Variants in DNAH12 observed in about 807,000 individuals in gnomAD.
DNAH12 encodes the protein dynein axonemal heavy chain 12.
In DNAH12, 285 loss-of-function variants were observed where a neutral mutation model predicts 371.5. That is an observed-to-expected ratio of 0.77 (90% CI 0.70 to 0.85). The LOEUF (loss-of-function observed/expected upper bound fraction) is 0.85. DNAH12 is among the 40% of genes least tolerant of loss of function. The pLI, the probability that DNAH12 is intolerant of heterozygous loss-of-function variation, is 0.00. For missense variants in DNAH12, 3,611 were observed against 3,689.4 expected (o/e 0.98, Z 0.55); for synonymous variants, 1,200 against 1,213.0 (o/e 0.99, Z 0.22).
At chr3:57,489,025 A>G (rs185521201) in intron 12 of DNAH12, among the ~76,000 whole-genome samples, 1 of 152,306 alleles carries the variant, frequency 6.6e-6, no homozygotes, top group East Asian at 1.9e-4. Context: ...TAAACAAAAT[A>G]AAACACAGTG....
intron 60 of DNAH12, among the ~76,000 whole-genome samples, chr3:57,349,960 G>T (rs999379735): frequency 2.0e-5 from 3 of 152,230 alleles, no homozygotes; most frequent in Non-Finnish European, 4.4e-5. Context: ...AAAGTGCTGG[G>T]ATTACAGGCG....
At chr3:57,552,856 G>C in the DNAH12 span, among the ~76,000 whole-genome samples, 1 of 152,122 alleles carries the variant, frequency 6.6e-6, no homozygotes, top group Non-Finnish European at 1.5e-5. Flanking sequence ...CTCCAGCCTG[G>C]GTGACAGAAT....
intron 11 of DNAH12, among the ~76,000 whole-genome samples, chr3:57,492,108 GCTATGCTCACATCA>G (rs1408583193): frequency 6.6e-6 from 1 of 152,134 alleles, no homozygotes; most frequent in East Asian, 1.9e-4. Flanking sequence ...GCTGCATTGA[GCTATGCTCACATCA>G]CTGCACTCCA....
At chr3:57,440,463 T>C (rs2065267476) in intron 29 of DNAH12, among the ~76,000 whole-genome samples, 1 of 152,082 alleles carries the variant, frequency 6.6e-6, no homozygotes, top group Admixed American at 6.6e-5. Context: ...TTGTAAGTGG[T>C]AGGCAAACAC....
chr3:57,519,738 C>G (rs1163025339), intron 4 of DNAH12: 1 of 1,610,840 alleles, frequency 6.2e-7, no homozygotes, highest in African/African-American at 1.3e-5. Context: ...GTTTCACCCA[C>G]AGGGACATGC....
chr3:57,413,691 C>T lies in DNAH12; in HGVS notation c.6020+55G>A, dbSNP rs1301346956. ...AAATGTATTATTTTACTTTAAAAACCTAAAATAAAAACTGAGGTATAACTT... is the reference window on the plus strand; with the variant it reads ...AAATGTATTATTTTACTTTAAAAACTTAAAATAAAAACTGAGGTATAACTT... On this transcript the variant is annotated intron_variant, in intron 39 of 73. Coordinates refer to ENST00000495027, the MANE Select transcript of DNAH12 (RefSeq NM_001366028.2). The T allele has an allele frequency of 5.4e-6, 8 of 1,483,340 alleles. No homozygotes were observed. The African/African-American group carries it at 7.2e-5, about 13-fold the overall frequency. The allele number at this position is 1,483,340 out of a possible 1,614,324, so 91.9% of individuals were successfully genotyped here. A position where few individuals can be genotyped will look rare whatever the true frequency, so the allele number is the denominator to read the frequency against.
intron 57 of DNAH12, among the ~76,000 whole-genome samples, chr3:57,366,338 C>T (rs1031625316): frequency 9.9e-5 from 15 of 152,216 alleles, no homozygotes; most frequent in South Asian, 4.2e-4. Flanking sequence ...TAAAAATGGA[C>T]GACTAGCAGC....
chr3:57,414,788 A>T (rs982920702), intron 38 of DNAH12, among the ~76,000 whole-genome samples: 2 of 152,226 alleles, frequency 1.3e-5, no homozygotes, highest in African/African-American at 4.8e-5. Context: ...ACAGTAAAGG[A>T]GTTCTAAATT....
chr3:57,486,511 ATGATTTT>A (rs1426908880), intron 12 of DNAH12, among the ~76,000 whole-genome samples: 3 of 152,160 alleles, frequency 2.0e-5, no homozygotes, highest in Admixed American at 1.3e-4. Context: ...AAAGAGGTAA[ATGATTTT>A]TTAGTTCATG....
chr3:57,435,481 A>T (rs1324732179), intron 30 of DNAH12, among the ~76,000 whole-genome samples: 2 of 152,048 alleles, frequency 1.3e-5, no homozygotes, highest in African/African-American at 4.8e-5. Flanking sequence ...AAGCCTGATA[A>T]GGTCAAGGAT....
intron 55 of DNAH12, among the ~76,000 whole-genome samples, chr3:57,369,921 C>G (rs1358170245): frequency 2.0e-5 from 3 of 152,136 alleles, no homozygotes; most frequent in Non-Finnish European, 4.4e-5. Context: ...TGAAAGAAAT[C>G]TGACTTCTAT....
chr3:57,472,730 A>G (rs1285784257), intron 13 of DNAH12, 59 bp from the exon 14 acceptor site: 14 of 1,494,240 alleles, frequency 9.4e-6, no homozygotes, highest in Non-Finnish European at 1.3e-5. Flanking sequence ...ATTATGAAAA[A>G]GAGAAGAACC....
Position 57,444,832 on chromosome 3 carries a change from A to G in DNAH12, c.4426-16T>C, listed in dbSNP as rs767570572. The G allele has an allele frequency of 1.9e-5, 30 of 1,539,862 alleles. 1 individual carries two copies. The highest frequency in any genetic ancestry group is 4.1e-5 in the African/African-American group (3 of 72,462). On this transcript the variant is annotated splice_polypyrimidine_tract_variant and intron_variant, in intron 28 of 73. Coordinates refer to ENST00000495027, the MANE Select transcript of DNAH12 (RefSeq NM_001366028.2). ...ATCGAAGAAGCTAAAATTACCCAAA[A>G]AGTACAATGTTAAGTTAGTTGCCAG...
chr3:57,533,857 C>T (rs1317625661), intron 2 of DNAH12, among the ~76,000 whole-genome samples: 3 of 152,206 alleles, frequency 2.0e-5, no homozygotes, highest in Non-Finnish European at 4.4e-5. Context: ...CCCTTAACAG[C>T]ACCTGCTGGT....
At chr3:57,335,589 T>C (rs141854014) in intron 60 of DNAH12, among the ~76,000 whole-genome samples, 3,608 of 152,324 alleles carry the variant, frequency 0.024, 66 homozygotes, top group Admixed American at 0.035. Context: ...AGCATATTAC[T>C]GTACTGAATA....
chr3:57,314,750 C>T (rs2061651139), intron 65 of DNAH12, 119 bp from the exon 66 acceptor site: 4 of 1,079,588 alleles, frequency 3.7e-6, no homozygotes, highest in Non-Finnish European at 5.1e-6. Flanking sequence ...TCTCTACAAA[C>T]TTCTATTTTA....
intron 60 of DNAH12, among the ~76,000 whole-genome samples, chr3:57,345,170 A>T (rs1340664284): frequency 6.6e-6 from 1 of 152,176 alleles, no homozygotes; most frequent in Admixed American, 6.5e-5. Context: ...AAATTTACAT[A>T]ATCTGTTTAC....
intron 59 of DNAH12, among the ~76,000 whole-genome samples, chr3:57,356,473 A>AAATG (rs1260771401): frequency 3.4e-5 from 5 of 148,882 alleles, no homozygotes; most frequent in Non-Finnish European, 7.5e-5. Context: ...ATAAATAAAT[A>AAATG]AATAAATAAA....
chr3:57,372,127 GA>G (rs2063188091), intron 55 of DNAH12, among the ~76,000 whole-genome samples: 1 of 151,278 alleles, frequency 6.6e-6, no homozygotes. Context: ...TAGAAAAGAA[GA>G]ATTGGAATAT....
Sources: allele counts gnomAD v4.1 joint callset (sites outside exome capture counted in the v4.1 genomes callset), GRCh38; gene constraint gnomAD v4.1.1; transcripts MANE v1.5; gene names NCBI Gene and HGNC (gene_info 2026-07-23, HGNC 2026-07-21).